The following VRK3 variants were observed in gnomAD, a reference collection of about 807,000 sequenced individuals.
The protein encoded by VRK3 is serine/threonine-protein kinase VRK3.
VRK3 carries 50 observed loss-of-function variants against 60.4 expected under a neutral mutation model. The observed-to-expected ratio is 0.83, with a 90% CI of 0.66 to 1.05. The LOEUF is 1.05. Among genes scored for constraint, VRK3 ranks in the 50% least tolerant of loss-of-function variants. The probability of loss-of-function intolerance (pLI) is 0.00; values close to 1 mark genes in which losing one functional copy is unlikely to be tolerated. For missense variants in VRK3, 549 were observed against 585.3 expected, an observed-to-expected ratio of 0.94 and a Z score of 0.64; for synonymous variants, 246 against 227.8, an observed-to-expected ratio of 1.08 and a Z score of -0.72.
chr19:50,014,384 CCT>C (rs1206106565), intron 3 of VRK3, among the ~76,000 whole-genome samples: 1 of 151,860 alleles, frequency 6.6e-6, no homozygotes, highest in Non-Finnish European at 1.5e-5. Flanking sequence ...ATGGTGAAAC[CCT>C]GTCTCTACTA....
Position 49,989,683 on chromosome 19 carries a change from T to TA in VRK3, c.1051_1052insT (p.Glu351ValfsTer5). ...CATGCTAATGAACTCAAGGTCCCCC[T>TA]CGTGAGGGCTCCTGCTGCCTTCCAC... is the stretch of plus-strand genomic sequence containing the variant. On this transcript the variant is annotated frameshift_variant, in exon 11 of 15. Transcript: ENST00000316763. LOFTEE classifies it high-confidence loss of function. The TA allele has an allele frequency of 6.2e-7, 1 of 1,613,794 alleles. No individual in the cohort carries two copies. Among genetic ancestry groups the TA allele is most frequent in the Non-Finnish European group, 8.5e-7 (1 of 1,179,814 alleles).
intron 2 of VRK3, among the ~76,000 whole-genome samples, chr19:50,017,946 C>T (rs557143873): frequency 6.6e-6 from 1 of 152,346 alleles, no homozygotes; most frequent in Admixed American, 6.5e-5. Context: ...TAGGCATGAG[C>T]TACCACCCTG....
chr19:49,977,526 T>C (rs539169630), intron 14 of VRK3, among the ~76,000 whole-genome samples: 1 of 152,012 alleles, frequency 6.6e-6, no homozygotes, highest in Non-Finnish European at 1.5e-5. Context: ...GCTCGCTCCA[T>C]CGATAAACAG....
chr19:49,979,362 A>T (rs2076385745), intron 13 of VRK3, 120 bp from the exon 14 acceptor site: 2 of 1,398,514 alleles, frequency 1.4e-6, no homozygotes, highest in Non-Finnish European at 2.0e-6. Flanking sequence ...GGTCTCAGCA[A>T]AAGTGCCCAT....
intron 6 of VRK3, chr19:49,999,816 A>G (rs539409318): frequency 1.3e-5 from 2 of 152,302 alleles, no homozygotes; most frequent in Non-Finnish European, 2.9e-5. Context: ...GATGATGAGC[A>G]TAATTACAGT....
intron 3 of VRK3, among the ~76,000 whole-genome samples, chr19:50,010,297 A>G (rs2076973566): frequency 6.6e-6 from 1 of 152,118 alleles, no homozygotes; most frequent in African/African-American, 2.4e-5. Context: ...ATTCTCATCT[A>G]TTAATTCTAA....
At position 50,007,720 on chromosome 19, in the gene VRK3, C is replaced by T. The variant is rs1384273757; in HGVS notation, c.396G>A (p.Lys132=). 6 of 1,583,116 alleles carry T rather than the reference C, an allele frequency of 3.8e-6. No individual in the cohort carries two copies. Among genetic ancestry groups the T allele is most frequent in the Non-Finnish European group, 5.1e-6 (6 of 1,177,946 alleles). ...TCAGCGTCTGAGGGCTCTGCCTGGT[C>T]TTCTGAGGGCTACAGCTGGTCTTCT... ...SPQKTSCSPQ[K]TRQSPQTLKR... The change falls in exon 5 of 15, where the codon AAG becomes AAA. Residue 132 remains lysine, a synonymous_variant. Coordinates refer to ENST00000316763, the MANE Select transcript of VRK3 (RefSeq NM_016440.4).
chr19:49,993,871 C>A (rs1600675432), intron 9 of VRK3, among the ~76,000 whole-genome samples: 1 of 152,044 alleles, frequency 6.6e-6, no homozygotes, highest in East Asian at 1.9e-4. Flanking sequence ...CCACATGGAC[C>A]CTCACTCAGA....
At chr19:49,994,718 G>A (rs967263013) in intron 9 of VRK3, 96 bp downstream of exon 9, 64 of 1,082,070 alleles carry the variant, frequency 5.9e-5, no homozygotes, top group Non-Finnish European at 7.9e-5. Context: ...GCGGAGGGGG[G>A]TGGGGGCCGG....
chr19:49,985,384 G>C (rs2076493874), intron 12 of VRK3, among the ~76,000 whole-genome samples: 1 of 152,228 alleles, frequency 6.6e-6, no homozygotes, highest in African/African-American at 2.4e-5. Flanking sequence ...GTTGCCTGCG[G>C]AAGTCTGGGG....
intron 9 of VRK3, among the ~76,000 whole-genome samples, chr19:49,993,548 G>A (rs148928059): frequency 0.052 from 7,957 of 152,116 alleles, 685 homozygotes; most frequent in African/African-American, 0.18. Context: ...ACAGGTGGGT[G>A]CCACCACACC....
intron 3 of VRK3, among the ~76,000 whole-genome samples, chr19:50,015,333 G>T (rs537061448): frequency 6.6e-6 from 1 of 151,058 alleles, no homozygotes; most frequent in Non-Finnish European, 1.5e-5. Context: ...TTTTGACATC[G>T]AGTCTCACTC....
In VRK3 at chr19:49,988,569, CCT is replaced by C; in HGVS notation, c.1097-79_1097-78del. On this transcript the variant is annotated intron_variant, in intron 11 of 14. Coordinates refer to ENST00000316763, the MANE Select transcript of VRK3 (RefSeq NM_016440.4). ...TGGTGGGTCCACCCCCCTTCCTTCC[CCT>C]CTCTCTCACTGACTCAACCACACAC... is the stretch of plus-strand genomic sequence containing the variant. 3.2e-6 allele frequency: 5 copies of C among 1,546,852 alleles called. No homozygotes were observed. The South Asian group carries it at 3.6e-5, about 11-fold the overall frequency.
At chr19:50,019,815 G>T (rs886334007) in intron 2 of VRK3, among the ~76,000 whole-genome samples, 4 of 150,252 alleles carry the variant, frequency 2.7e-5, no homozygotes, top group African/African-American at 7.3e-5. Context: ...TGGGATTACA[G>T]GTGTGGGCCA....
chr19:50,006,450 A>ACT (rs1188519877), intron 5 of VRK3, among the ~76,000 whole-genome samples: 1 of 151,158 alleles, frequency 6.6e-6, no homozygotes, highest in Non-Finnish European at 1.5e-5. Flanking sequence ...ACCTCGGCTC[A>ACT]CTGCAAGCTC....
At chr19:50,005,985 T>A (rs2076883627) in intron 5 of VRK3, among the ~76,000 whole-genome samples, 1 of 149,042 alleles carries the variant, frequency 6.7e-6, no homozygotes, top group South Asian at 2.1e-4. Context: ...GGCCACTCAG[T>A]TGCACCCTTT....
chr19:49,992,183 G>A (rs372262555), intron 10 of VRK3, among the ~76,000 whole-genome samples: 9 of 152,234 alleles, frequency 5.9e-5, no homozygotes, highest in South Asian at 2.1e-4. Context: ...AAAGGCGGGC[G>A]GATCACCTGA....
chr19:50,008,004 C>T (rs1195311687), intron 4 of VRK3, among the ~76,000 whole-genome samples, 178 bp from the exon 5 acceptor site: 4 of 152,150 alleles, frequency 2.6e-5, no homozygotes, highest in South Asian at 2.1e-4. Flanking sequence ...AGATAGGAGT[C>T]GGACCTGCAT....
At chr19:50,007,116 T>A (rs1043250514) in intron 5 of VRK3, among the ~76,000 whole-genome samples, 1 of 152,178 alleles carries the variant, frequency 6.6e-6, no homozygotes, top group Non-Finnish European at 1.5e-5. Context: ...AGACCCCTAT[T>A]ATGTAAGCAA....
Sources: gnomAD v4.1 joint callset for allele counts (sites outside exome capture counted in the v4.1 genomes callset) on GRCh38, gnomAD v4.1.1 for gene constraint, MANE v1.5 for transcripts, NCBI Gene and HGNC (gene_info 2026-07-23, HGNC 2026-07-21) for gene names.